Variants in PRKCA observed in about 807,000 individuals in gnomAD.
The protein encoded by PRKCA is protein kinase C alpha type.
PRKCA carries 27 observed loss-of-function variants against 87.0 expected under a neutral mutation model. The observed-to-expected ratio is 0.31, with a 90% CI of 0.23 to 0.43. The LOEUF is 0.43. PRKCA is among the 20% of genes least tolerant of loss of function. The pLI, the probability that PRKCA is intolerant of heterozygous loss-of-function variation, is 1.00. For synonymous variants in PRKCA, 329 were observed against 311.1 expected (o/e 1.06, Z -0.61); for missense variants, 518 against 852.3 (o/e 0.61, Z 4.88).
chr17:66,582,863 C>T (rs1441030763), intron 3 of PRKCA, among the ~76,000 whole-genome samples: 1 of 152,122 alleles, frequency 6.6e-6, no homozygotes, highest in Admixed American at 6.5e-5. Flanking sequence ...GCCTGCATTC[C>T]ACCCTCAGCT....
chr17:66,311,448 G>A (rs921197496), intron 2 of PRKCA, among the ~76,000 whole-genome samples: 16 of 152,100 alleles, frequency 1.1e-4, no homozygotes, highest in African/African-American at 2.7e-4. Context: ...AAACCCCATC[G>A]CTACAAAAAA....
At chr17:66,615,636 T>C (rs1246285637) in intron 3 of PRKCA, among the ~76,000 whole-genome samples, 1 of 152,168 alleles carries the variant, frequency 6.6e-6, no homozygotes, top group Non-Finnish European at 1.5e-5. Context: ...GCGTGTGCCC[T>C]GGGAGGGTGA....
rs1485055138 is a variant in PRKCA at position 66,587,895 on chromosome 17, G to GTGTGTATA, written c.289-53459_289-53458insGTGTATAT. On this transcript the variant is annotated intron_variant, in intron 3 of 16. Coordinates refer to ENST00000413366, the MANE Select transcript of PRKCA (RefSeq NM_002737.3). The stretch of plus-strand genomic sequence containing the variant: ...TGTGTGTGTGTGTGTGTGTGTGTGT[G>GTGTGTATA]TATATATATATATATATATATATAT... Among the ~76,000 whole-genome samples, 6 of 85,394 alleles carry GTGTGTATA rather than the reference G, an allele frequency of 7.0e-5. 1 individual carries two copies. In the South Asian group the frequency reaches 2.2e-3, roughly 32 times the overall value. The allele number at this position is 85,394 out of a possible 152,430, so 56.0% of individuals were successfully genotyped here.
At chr17:66,619,360 C>T (rs1970608543) in intron 3 of PRKCA, among the ~76,000 whole-genome samples, 1 of 152,106 alleles carries the variant, frequency 6.6e-6, no homozygotes, top group South Asian at 2.1e-4. Flanking sequence ...TTTGGGGTTG[C>T]CCTAAAGCCA....
At chr17:66,789,249 G>C (rs9904560) in intron 16 of PRKCA, among the ~76,000 whole-genome samples, 1 of 152,250 alleles carries the variant, frequency 6.6e-6, no homozygotes, top group African/African-American at 2.4e-5. Flanking sequence ...ACCCCCGCAC[G>C]ACTAGGGAGT....
chr17:66,529,494 C>T lies in PRKCA; in HGVS notation c.288+33211C>T, dbSNP rs374487000. Among the ~76,000 whole-genome samples, 34 of 152,312 alleles carry T rather than the reference C, an allele frequency of 2.2e-4. No individual in the cohort carries two copies. In the East Asian group the frequency reaches 4.8e-3, roughly 22 times the overall value. On this transcript the variant is annotated intron_variant, in intron 3 of 16. Transcript: ENST00000413366. Reference sequence around the variant, plus strand: ...GCCATGGAGCTCACGGGCCATCAAGCTTCCTTCCCATCACTTGTGGGTGGA... The same window carrying T: ...GCCATGGAGCTCACGGGCCATCAAGTTTCCTTCCCATCACTTGTGGGTGGA...
At chr17:66,331,929 A>G (rs927633564) in intron 2 of PRKCA, among the ~76,000 whole-genome samples, 3 of 152,228 alleles carry the variant, frequency 2.0e-5, no homozygotes, top group South Asian at 2.1e-4. Context: ...CTCCAAGACA[A>G]TATAAACTAC....
intron 3 of PRKCA, among the ~76,000 whole-genome samples, chr17:66,546,646 G>T (rs1968153097): frequency 6.6e-6 from 1 of 152,084 alleles, no homozygotes; most frequent in Non-Finnish European, 1.5e-5. Context: ...GGATTTAGGG[G>T]CTACCCTAAT....
At chr17:66,481,381 G>C (rs188144782) in intron 2 of PRKCA, among the ~76,000 whole-genome samples, 1 of 152,220 alleles carries the variant, frequency 6.6e-6, no homozygotes, top group South Asian at 2.1e-4. Flanking sequence ...CTACATTCCT[G>C]CCAACCCCTG....
At chr17:66,676,138 C>T (rs898924628) in intron 5 of PRKCA, among the ~76,000 whole-genome samples, 5 of 152,088 alleles carry the variant, frequency 3.3e-5, no homozygotes, top group African/African-American at 1.2e-4. Flanking sequence ...CTTCTTAGAC[C>T]CAAGTTCTCC....
intron 3 of PRKCA, among the ~76,000 whole-genome samples, chr17:66,584,437 G>A (rs569369560): frequency 7.9e-5 from 12 of 152,098 alleles, no homozygotes; most frequent in Non-Finnish European, 1.8e-4. Flanking sequence ...TATTGATCAG[G>A]CTGGTTTTGA....
chr17:66,360,496 C>T (rs2143475910), intron 2 of PRKCA, among the ~76,000 whole-genome samples: 1 of 152,302 alleles, frequency 6.6e-6, no homozygotes, highest in Admixed American at 6.5e-5. Flanking sequence ...TTCCTTGGCC[C>T]TGCCTGGAAG....
intron 8 of PRKCA, among the ~76,000 whole-genome samples, chr17:66,711,051 ATAAAT>A (rs1408741998): frequency 1.3e-5 from 2 of 151,832 alleles, no homozygotes; most frequent in Non-Finnish European, 2.9e-5. Flanking sequence ...TCAAAAATAA[ATAAAT>A]AAAATAAATA....
chr17:66,648,518 A>G (rs933893794), intron 5 of PRKCA, among the ~76,000 whole-genome samples: 5 of 152,240 alleles, frequency 3.3e-5, no homozygotes, highest in African/African-American at 4.8e-5. Flanking sequence ...TTTAAATGGC[A>G]CATGCGGAGA....
chr17:66,444,593 T>C (rs1913938783), intron 2 of PRKCA, among the ~76,000 whole-genome samples: 2 of 152,112 alleles, frequency 1.3e-5, no homozygotes, highest in South Asian at 2.1e-4. Flanking sequence ...AAATACTGCA[T>C]GTTATCAGGT....
At chr17:66,537,561 G>A (rs1967830270) in intron 3 of PRKCA, among the ~76,000 whole-genome samples, 2 of 152,304 alleles carry the variant, frequency 1.3e-5, no homozygotes, top group South Asian at 2.1e-4. Context: ...CGAATGCCGT[G>A]TGGTCTTCAG....
chr17:66,552,334 A>G (rs768871417), intron 3 of PRKCA, among the ~76,000 whole-genome samples: 1 of 152,218 alleles, frequency 6.6e-6, no homozygotes, highest in Non-Finnish European at 1.5e-5. Context: ...TATGTATTGC[A>G]TATAACAAAT....
At chr17:66,486,703 C>A (rs1334955294) in intron 2 of PRKCA, among the ~76,000 whole-genome samples, 1 of 152,092 alleles carries the variant, frequency 6.6e-6, no homozygotes, top group African/African-American at 2.4e-5. Context: ...TGTCTTTTGG[C>A]CTCTAACCTT....
At chr17:66,311,678 C>T (rs542802550) in intron 2 of PRKCA, among the ~76,000 whole-genome samples, 31 of 152,230 alleles carry the variant, frequency 2.0e-4, no homozygotes, top group South Asian at 1.9e-3. Context: ...GTTTTTCCTC[C>T]GTAAAACTGC....
Sources: allele counts gnomAD v4.1 joint callset (sites outside exome capture counted in the v4.1 genomes callset), GRCh38; gene constraint gnomAD v4.1.1; transcripts MANE v1.5; gene names NCBI Gene and HGNC (gene_info 2026-07-23, HGNC 2026-07-21).